The following WDHD1 variants were observed in gnomAD, a reference collection of about 807,000 sequenced individuals.
WDHD1 encodes WD repeat and HMG-box DNA binding protein 1.
In WDHD1, 111 loss-of-function variants were observed where a neutral mutation model predicts 135.4. The observed-to-expected ratio is 0.82, with a 90% CI of 0.70 to 0.96. WDHD1 has a LOEUF of 0.96. Ranked by LOEUF, WDHD1 falls within the 40% of genes least tolerant of loss-of-function variation. WDHD1 has a pLI of 0.00. For synonymous variants in WDHD1, 434 were observed against 439.0 expected, an observed-to-expected ratio of 0.99 and a Z score of 0.14; for missense variants, 1,351 against 1,336.3, an observed-to-expected ratio of 1.01 and a Z score of -0.17.
At chr14:54,948,272 C>T (rs144187979) in intron 24 of WDHD1, among the ~76,000 whole-genome samples, 342 of 152,202 alleles carry the variant, frequency 2.2e-3, no homozygotes, top group South Asian at 7.7e-3. Context: ...ACCCGGGAAG[C>T]GCAAGGGGTC....
intron 11 of WDHD1, among the ~76,000 whole-genome samples, chr14:54,994,865 GGATAGCACAAATCTACA>G (rs1480189383): frequency 6.6e-6 from 1 of 151,964 alleles, no homozygotes; most frequent in Non-Finnish European, 1.5e-5. Flanking sequence ...ACTATATATT[GGATAGCACAAATCTACA>G]GATCTATAGT....
intron 18 of WDHD1, among the ~76,000 whole-genome samples, chr14:54,963,726 G>C (rs1157833671): frequency 6.6e-6 from 1 of 151,592 alleles, no homozygotes; most frequent in Non-Finnish European, 1.5e-5. Flanking sequence ...CTTGAACCCG[G>C]GAGGTGGAGG....
intron 2 of WDHD1, among the ~76,000 whole-genome samples, chr14:55,017,174 T>C (rs1267776073): frequency 1.3e-5 from 2 of 152,324 alleles, no homozygotes; most frequent in Non-Finnish European, 2.9e-5. Flanking sequence ...TCTTAATTTT[T>C]ACAGTAATAC....
chr14:54,952,441 T>A (rs2041074714), intron 24 of WDHD1, among the ~76,000 whole-genome samples: 2 of 152,330 alleles, frequency 1.3e-5, no homozygotes, highest in South Asian at 4.1e-4. Flanking sequence ...ACAAGGGATG[T>A]GAAGGACCTC....
intron 11 of WDHD1, among the ~76,000 whole-genome samples, chr14:54,991,796 A>C (rs1014653725): frequency 6.6e-6 from 1 of 152,214 alleles, no homozygotes; most frequent in African/African-American, 2.4e-5. Context: ...AGCTGAACTA[A>C]GTGATTTTTT....
intron 7 of WDHD1, 112 bp from the exon 8 acceptor site, chr14:55,002,297 G>C: frequency 1.3e-6 from 1 of 745,326 alleles, no homozygotes; most frequent in Non-Finnish European, 2.1e-6. Flanking sequence ...AAGCAAATTA[G>C]TTTTTATTGT....
At position 54,941,424 on chromosome 14, in the gene WDHD1, A is replaced by G; in HGVS notation, c.*66T>C. 1 of 1,343,962 alleles carries G rather than the reference A, an allele frequency of 7.4e-7. No individual in the cohort carries two copies. The highest frequency in any genetic ancestry group is 1.0e-6 in the Non-Finnish European group (1 of 982,242). 83.3% of individuals were successfully genotyped at this position (1,343,962 alleles called of 1,614,324 possible). Reference sequence around the variant, plus strand: ...TATATATATAATGAGTTTCCCAAAGACTCGAGTCTATATTCAAAGATGAGT... The same window carrying G: ...TATATATATAATGAGTTTCCCAAAGGCTCGAGTCTATATTCAAAGATGAGT... On this transcript the variant is annotated 3_prime_UTR_variant, in exon 26 of 26. Coordinates refer to ENST00000360586, the MANE Select transcript of WDHD1 (RefSeq NM_007086.4).
chr14:54,955,637 C>A lies in WDHD1; in HGVS notation c.2974G>T (p.Val992Leu). 1 of 1,591,200 alleles carries A rather than the reference C, an allele frequency of 6.3e-7. No homozygotes were observed. The stretch of plus-strand genomic sequence containing the variant: ...ACATTTTTAAGATTTTCTTCTTTCA[C>A]TTCCTCAGTTTTATTAGTTTGAGAA... ...RNSQTNKTEEVKEENLKNVLS... is the reference protein window; with the variant it reads ...RNSQTNKTEELKEENLKNVLS... Residue 992 changes from valine (V) to leucine (L), a missense_variant, in exon 24 of 26, where the codon GTG becomes TTG. Coordinates refer to ENST00000360586, the MANE Select transcript of WDHD1 (RefSeq NM_007086.4).
At chr14:55,000,115 G>A (rs1210230430) in intron 10 of WDHD1, among the ~76,000 whole-genome samples, 3 of 152,094 alleles carry the variant, frequency 2.0e-5, no homozygotes, top group Admixed American at 6.5e-5. Context: ...AAAGCAAGAA[G>A]GTATAAAACA....
In WDHD1 at chr14:55,013,601, G is replaced by A. The variant is rs1208048902; in HGVS notation, c.78-5C>T. 2 of 1,609,698 alleles carry A rather than the reference G, an allele frequency of 1.2e-6. No homozygotes were observed. Among genetic ancestry groups the A allele is most frequent in the East Asian group, 2.2e-5 (1 of 44,844 alleles). Reference sequence around the variant, plus strand: ...CTTCCACAAGTCACAATAAAACTGTGAAGAAAAGACACAAATTAAAGTCAT... The same window carrying A: ...CTTCCACAAGTCACAATAAAACTGTAAAGAAAAGACACAAATTAAAGTCAT... On this transcript the variant is annotated splice_polypyrimidine_tract_variant and splice_region_variant and intron_variant, in intron 2 of 25. Transcript: ENST00000360586.
chr14:55,005,543 A>C (rs150727503), intron 7 of WDHD1: 320 of 586,978 alleles, frequency 5.5e-4, no homozygotes, highest in African/African-American at 5.4e-3. Context: ...CTTCAGATTT[A>C]TGATGTAGAT....
rs142317813 is a variant in WDHD1, at chr14:54,998,145, G to A, written c.943-2332C>T. On this transcript the variant is annotated intron_variant, in intron 10 of 25. Transcript: ENST00000360586. ...GGAGAATCGCTTCAACCCAGGAGGC[G>A]GAGGTTGCAGGGAGCCACCATTGCA... Among the ~76,000 whole-genome samples the A allele has an allele frequency of 7.9e-5, 12 of 151,852 alleles. No homozygotes were observed. The East Asian group carries it at 1.7e-3, about 22-fold the overall frequency.
At position 55,000,587 on chromosome 14, in the gene WDHD1, A is replaced by G. The variant is rs775488138; in HGVS notation, c.858T>C (p.Gly286=). 1.9e-6 allele frequency: 3 copies of G among 1,606,682 alleles called. No individual in the cohort carries two copies. Among genetic ancestry groups the G allele is most frequent in the Admixed American group, 3.4e-5 (2 of 59,146 alleles). Residue 286 remains glycine, a synonymous_variant, in exon 10 of 26, where the codon GGT becomes GGC. Transcript: ENST00000360586. ...ICGLAWHPTC[G]RISYTDAEGN... ...CTTCCGCATCAGTATACGATATTCG[A>G]CCACAAGTAGGATGCCATGCCAGAC...
chr14:54,944,212 C>A, intron 25 of WDHD1, 120 bp downstream of exon 25: 1 of 1,297,076 alleles, frequency 7.7e-7, no homozygotes, highest in Non-Finnish European at 1.1e-6. Flanking sequence ...TCCGCCTCGA[C>A]CTCCCAATGT....
In WDHD1 at chr14:55,027,031, G is replaced by GGTGACC; in HGVS notation, c.-26_-21dup. On this transcript the variant is annotated 5_prime_UTR_variant, in exon 1 of 26. Coordinates refer to ENST00000360586, the MANE Select transcript of WDHD1 (RefSeq NM_007086.4). ...GGCAGCCGGAGTGGGGACTCACCCG[G>GGTGACC]GTGACCGAGCCTCCGCCACTGAGGA... The GGTGACC allele has an allele frequency of 2.0e-6, 1 of 504,904 alleles. No homozygotes were observed. The allele number at this position is 504,904 out of a possible 1,614,324, so 31.3% of individuals were successfully genotyped here.
intron 24 of WDHD1, among the ~76,000 whole-genome samples, chr14:54,948,901 G>A (rs1289169164): frequency 6.6e-6 from 1 of 152,192 alleles, no homozygotes; most frequent in African/African-American, 2.4e-5. Context: ...AGTCTGGAGT[G>A]GGCCTCCAGC....
chr14:54,955,353 A>C (rs563635334), intron 24 of WDHD1, among the ~76,000 whole-genome samples: 1 of 152,208 alleles, frequency 6.6e-6, no homozygotes, highest in African/African-American at 2.4e-5. Flanking sequence ...ATTTAAAAAT[A>C]TACAATTTAT....
intron 24 of WDHD1, among the ~76,000 whole-genome samples, chr14:54,954,053 T>A (rs2041109764): frequency 6.6e-6 from 1 of 151,554 alleles, no homozygotes; most frequent in Admixed American, 6.6e-5. Context: ...ACATGGCACA[T>A]GTGTACATAT....
chr14:54,969,561 AATCGT>A (rs2041399029), intron 16 of WDHD1, among the ~76,000 whole-genome samples: 2 of 152,172 alleles, frequency 1.3e-5, no homozygotes, highest in Admixed American at 1.3e-4. Flanking sequence ...TCCAAAATTG[AATCGT>A]AATAAATAAA....
Sources: allele counts gnomAD v4.1 joint callset (sites outside exome capture counted in the v4.1 genomes callset), GRCh38; gene constraint gnomAD v4.1.1; transcripts MANE v1.5; gene names NCBI Gene and HGNC (gene_info 2026-07-23, HGNC 2026-07-21).